The following ENTPD4 variants were observed in gnomAD, a reference collection of about 807,000 sequenced individuals.
The protein encoded by ENTPD4 is Golgi UDPase.
ENTPD4 carries 60 observed loss-of-function variants against 79.1 expected under a neutral mutation model. The ratio of observed to expected loss-of-function variants is 0.76; its 90% confidence interval spans 0.62 to 0.94. ENTPD4 has a LOEUF of 0.94. Among genes scored for constraint, ENTPD4 ranks in the 40% least tolerant of loss-of-function variants. The probability of loss-of-function intolerance (pLI) is 0.00; values close to 1 mark genes in which losing one functional copy is unlikely to be tolerated. For synonymous variants in ENTPD4, 276 were observed against 292.0 expected (o/e 0.95, Z 0.56); for missense variants, 772 against 775.1 (o/e 1.00, Z 0.05).
intron 10 of ENTPD4, among the ~76,000 whole-genome samples, chr8:23,435,725 C>G (rs1379517316): frequency 1.3e-5 from 2 of 152,204 alleles, no homozygotes; most frequent in African/African-American, 4.8e-5. Flanking sequence ...TGTCCACAAC[C>G]AACCTCTCCA....
rs1800415387 is a variant in ENTPD4, at chr8:23,429,270, T to C, written c.*3656A>G. The C allele has an allele frequency of 2.0e-6, 2 of 985,320 alleles. No homozygotes were observed. Among genetic ancestry groups the C allele is most frequent in the Non-Finnish European group, 2.4e-6 (2 of 829,948 alleles). The allele number at this position is 985,320 out of a possible 1,614,324, so 61.0% of individuals were successfully genotyped here. A position where few individuals can be genotyped will look rare whatever the true frequency, so the allele number is the denominator to read the frequency against. The stretch of plus-strand genomic sequence containing the variant: ...CACCAAAAGGACCTTCCGAGAGTAT[T>C]ATTCTTACTTTGGATGGAAGACATC... On this transcript the variant is annotated 3_prime_UTR_variant, in exon 13 of 13. Transcript: ENST00000358689.
In ENTPD4 at chr8:23,431,737, C is replaced by T. The variant is rs191281160; in HGVS notation, c.*1189G>A. The T allele has an allele frequency of 9.7e-5, 96 of 985,432 alleles. 1 individual carries two copies. The East Asian group carries it at 7.0e-3, about 72-fold the overall frequency. 61.0% of individuals were successfully genotyped at this position (985,432 alleles called of 1,614,324 possible). On this transcript the variant is annotated 3_prime_UTR_variant, in exon 13 of 13. Transcript: ENST00000358689. ...TTGGAAGCTGGAAGAAACTGAGGCA[C>T]GATTAAGCAGAAACACTGAGGAATA... is the stretch of plus-strand genomic sequence containing the variant.
Position 23,447,701 on chromosome 8 carries a change from C to T in ENTPD4, c.391G>A (p.Val131Met). The change falls in exon 4 of 13, where the codon GTG (valine) becomes ATG (methionine). Residue 131 changes from valine (V) to methionine (M), a missense_variant. Coordinates refer to ENST00000358689, the MANE Select transcript of ENTPD4 (RefSeq NM_004901.5). ...ATACCCGGTTTTATCTTCATGACCA[C>T]TGGCTTTCGGTTTTTATCCCTCATT... The part of the protein sequence containing the change: ...RQMRDKNRKP[V>M]VMKIKPGISE... The T allele has an allele frequency of 6.2e-7, 1 of 1,614,156 alleles. No homozygotes were observed. The highest frequency in any genetic ancestry group is 8.5e-7 in the Non-Finnish European group (1 of 1,179,980).
chr8:23,451,741 C>G (rs2117306708), intron 1 of ENTPD4, among the ~76,000 whole-genome samples: 1 of 152,294 alleles, frequency 6.6e-6, no homozygotes, highest in African/African-American at 2.4e-5. Flanking sequence ...CAGGGTCTCT[C>G]AACTTGTTGC....
chr8:23,447,978 T>C, intron 3 of ENTPD4, 93 bp from the exon 4 acceptor site: 1 of 992,178 alleles, frequency 1.0e-6, no homozygotes, highest in Non-Finnish European at 1.6e-6. Context: ...GTCAGTAATT[T>C]CTAAGCTATG....
At chr8:23,451,331 T>C (rs1185638253) in intron 1 of ENTPD4, among the ~76,000 whole-genome samples, 3 of 152,298 alleles carry the variant, frequency 2.0e-5, no homozygotes, top group African/African-American at 7.2e-5. Context: ...CAAATGTAAT[T>C]TCTTACAGAT....
intron 9 of ENTPD4, among the ~76,000 whole-genome samples, chr8:23,437,562 G>A (rs764895461): frequency 1.8e-4 from 28 of 152,170 alleles, no homozygotes; most frequent in Admixed American, 5.9e-4. Context: ...TGGGCACAAG[G>A]CAACTGTGTT....
intron 6 of ENTPD4, 118 bp from the exon 7 acceptor site, chr8:23,442,184 C>T: frequency 1.5e-6 from 1 of 665,356 alleles, no homozygotes. Context: ...CCTGTAAAAT[C>T]ATCTGAAATA....
Position 23,431,866 on chromosome 8 carries a change from A to G in ENTPD4, c.*1060T>C, listed in dbSNP as rs1043043577. ...ACCACAGTGTTCTAATGCCACTGAA[A>G]TATGGAATAAGGAGCGTAATTACCT... On this transcript the variant is annotated 3_prime_UTR_variant, in exon 13 of 13. Coordinates refer to ENST00000358689, the MANE Select transcript of ENTPD4 (RefSeq NM_004901.5). 4.1e-6 allele frequency: 4 copies of G among 985,330 alleles called. No individual in the cohort carries two copies. The East Asian group carries it at 4.5e-4, about 112-fold the overall frequency. 61.0% of individuals were successfully genotyped at this position (985,330 alleles called of 1,614,324 possible).
chr8:23,438,965 T>A (rs555703857), intron 9 of ENTPD4, among the ~76,000 whole-genome samples: 1 of 152,120 alleles, frequency 6.6e-6, no homozygotes, highest in South Asian at 2.1e-4. Flanking sequence ...TGAACTAGGA[T>A]TTTTTTCCCT....
chr8:23,433,418 T>G (rs1453231408), intron 12 of ENTPD4, among the ~76,000 whole-genome samples: 1 of 152,150 alleles, frequency 6.6e-6, no homozygotes, highest in Admixed American at 6.5e-5. Flanking sequence ...AAGGTTTCGC[T>G]GATACAAAGA....
rs1200293083 is a variant in ENTPD4, at chr8:23,437,154, T to C, written c.1154A>G (p.Tyr385Cys). ...GTCAAAGTCTCCAGTCCCTCGTAGG[T>C]ATATGGTTTGTCCATTTTGCTGGAT... is the stretch of plus-strand genomic sequence containing the variant. Reference protein sequence around the residue: ...DEIQQNGQTIYLRGTGDFDLC... With the variant: ...DEIQQNGQTICLRGTGDFDLC... The change falls in exon 10 of 13, where the codon TAC (tyrosine) becomes TGC (cysteine). Residue 385 changes from tyrosine to cysteine, a missense_variant. By Grantham distance (194) the Tyr-to-Cys change is radical. Transcript: ENST00000358689. 6.2e-7 allele frequency: 1 copy of C among 1,614,138 alleles called. No homozygotes were observed. Among genetic ancestry groups the C allele is most frequent in the Non-Finnish European group, 8.5e-7 (1 of 1,179,990 alleles).
intron 1 of ENTPD4, 128 bp downstream of exon 1, chr8:23,457,429 G>A (rs1387956529): frequency 6.6e-6 from 1 of 152,176 alleles, no homozygotes; most frequent in Non-Finnish European, 1.5e-5. Context: ...AGGCGGCTGT[G>A]GGGGCCTGGG....
At position 23,437,014 on chromosome 8, in the gene ENTPD4, A is replaced by C. The variant is rs773542664; in HGVS notation, c.1294T>G (p.Ser432Ala). Residue 432 changes from serine (S) to alanine (A), a missense_variant, in exon 10 of 13, where the codon TCC becomes GCC. By Grantham distance (99) the Ser-to-Ala change is moderately conservative (BLOSUM62 1). Coordinates refer to ENST00000358689, the MANE Select transcript of ENTPD4 (RefSeq NM_004901.5). The stretch of plus-strand genomic sequence containing the variant: ...TCCTCGGTGCAGTAGTAGAATTCGG[A>C]GAAGCCATAGAATTCACTGTTCTGG... The part of the protein sequence containing the change: ...HFQNSEFYGF[S>A]EFYYCTEDVL... 1.2e-6 allele frequency: 2 copies of C among 1,614,102 alleles called. No homozygotes were observed. Among genetic ancestry groups the C allele is most frequent in the Admixed American group, 3.3e-5 (2 of 60,022 alleles).
chr8:23,439,751 G>A lies in ENTPD4; in HGVS notation c.1047C>T (p.Asn349=). Residue 349 remains asparagine, a splice_region_variant and synonymous_variant, in exon 9 of 13, where the codon AAC becomes AAT. Transcript: ENST00000358689. Reference sequence around the variant, plus strand: ...CCAAGTAGTGAAAGGTGCTTTACCTGTTCTTTTGAATGGTGTTGGCAAATA... The same window carrying A: ...CCAAGTAGTGAAAGGTGCTTTACCTATTCTTTTGAATGGTGTTGGCAAATA... ...DRIFANTIQK[N]RLLGKQTGLT... 6.2e-7 allele frequency: 1 copy of A among 1,614,110 alleles called. No homozygotes were observed. Among genetic ancestry groups the A allele is most frequent in the Non-Finnish European group, 8.5e-7 (1 of 1,179,954 alleles).
Position 23,430,043 on chromosome 8 carries a change from A to G in ENTPD4, c.*2883T>C, listed in dbSNP as rs1800428220. On this transcript the variant is annotated 3_prime_UTR_variant, in exon 13 of 13. Coordinates refer to ENST00000358689, the MANE Select transcript of ENTPD4 (RefSeq NM_004901.5). Reference sequence around the variant, plus strand: ...AAGCTTTGGGCAAGTTCCTAGTCCAATTTCTTCTGCTACAAGTACACAGAA... The same window carrying G: ...AAGCTTTGGGCAAGTTCCTAGTCCAGTTTCTTCTGCTACAAGTACACAGAA... 1.0e-6 allele frequency: 1 copy of G among 985,276 alleles called. No individual in the cohort carries two copies. The highest frequency in any genetic ancestry group is 4.7e-5 in the South Asian group (1 of 21,286). 61.0% of individuals were successfully genotyped at this position (985,276 alleles called of 1,614,324 possible). A position where few individuals can be genotyped will look rare whatever the true frequency, so the allele number is the denominator to read the frequency against.
At chr8:23,451,767 G>A (rs926213415) in intron 1 of ENTPD4, among the ~76,000 whole-genome samples, 4 of 152,182 alleles carry the variant, frequency 2.6e-5, no homozygotes, top group Non-Finnish European at 5.9e-5. Flanking sequence ...CTACTAGGAA[G>A]TAATCTGTAT....
rs771679591 is a variant in ENTPD4, at chr8:23,448,964, T to C, written c.9-25A>G. ...CCTGAAATTAGAAGGAAAAAGATTT[T>C]AAAGCAATCTGCTCCAATGAGGCTT... On this transcript the variant is annotated intron_variant, in intron 2 of 12. Transcript: ENST00000358689. 6.3e-6 allele frequency: 10 copies of C among 1,579,336 alleles called. No individual in the cohort carries two copies. The Admixed American group carries it at 6.7e-5, about 11-fold the overall frequency.
rs1364369348 is a variant in ENTPD4 at position 23,430,119 on chromosome 8, G to C, written c.*2807C>G. 4.1e-6 allele frequency: 4 copies of C among 985,296 alleles called. No individual in the cohort carries two copies. The highest frequency in any genetic ancestry group is 4.8e-6 in the Non-Finnish European group (4 of 829,934). The allele number at this position is 985,296 out of a possible 1,614,324, so 61.0% of individuals were successfully genotyped here. A position where few individuals can be genotyped will look rare whatever the true frequency, so the allele number is the denominator to read the frequency against. Reference sequence around the variant, plus strand: ...GGTATGAATTCTTCTCTTGAATTAAGATCCTCCCTGGCTTGTCTCTCACCC... The same window carrying C: ...GGTATGAATTCTTCTCTTGAATTAACATCCTCCCTGGCTTGTCTCTCACCC... On this transcript the variant is annotated 3_prime_UTR_variant, in exon 13 of 13. Transcript: ENST00000358689.
Sources: allele counts gnomAD v4.1 joint callset (sites outside exome capture counted in the v4.1 genomes callset), GRCh38; gene constraint gnomAD v4.1.1; transcripts MANE v1.5; gene names NCBI Gene and HGNC (gene_info 2026-07-23, HGNC 2026-07-21).